Variants in BCAT1 observed in about 807,000 individuals in gnomAD.
The protein encoded by BCAT1 is branched-chain-amino-acid aminotransferase, cytosolic.
BCAT1 carries 48 observed loss-of-function variants against 52.4 expected under a neutral mutation model. The ratio of observed to expected loss-of-function variants is 0.92; its 90% CI spans 0.73 to 1.16. The LOEUF (loss-of-function observed/expected upper bound fraction) is 1.16, where lower values mean the gene tolerates loss of function less well. Among genes scored for constraint, BCAT1 ranks in the 50% most tolerant of loss-of-function variants. The probability of loss-of-function intolerance (pLI) is 0.00; values close to 1 mark genes in which losing one functional copy is unlikely to be tolerated. For synonymous variants in BCAT1, 167 were observed against 161.3 expected (o/e 1.04, Z -0.27); for missense variants, 451 against 457.1 (o/e 0.99, Z 0.12).
intron 5 of BCAT1, among the ~76,000 whole-genome samples, chr12:24,863,367 G>A (rs746756514): frequency 1.2e-4 from 19 of 152,142 alleles, no homozygotes; most frequent in Non-Finnish European, 1.0e-4. Context: ...AACAGAAATG[G>A]TAAATACATT....
chr12:24,895,786 T>C (rs1045842825), intron 2 of BCAT1, among the ~76,000 whole-genome samples: 1 of 152,216 alleles, frequency 6.6e-6, no homozygotes, highest in African/African-American at 2.4e-5. Context: ...GCCTTGCAGC[T>C]ACGTGAGTCA....
rs538418585 is a variant in BCAT1, at chr12:24,883,827, G to A, written c.280-2416C>T. Reference sequence around the variant, plus strand: ...TAAAAAGTGCACCACCTAGATTCCTGCAATGCACAGTTCACAATAGGGTTC... The same window carrying A: ...TAAAAAGTGCACCACCTAGATTCCTACAATGCACAGTTCACAATAGGGTTC... On this transcript the variant is annotated intron_variant, in intron 3 of 10. Transcript: ENST00000261192. Among the ~76,000 whole-genome samples the A allele has an allele frequency of 3.9e-5, 6 of 152,204 alleles. No homozygotes were observed. In the East Asian group the frequency reaches 1.2e-3, roughly 29 times the overall value.
chr12:24,856,278 C>T (rs1941679635), intron 5 of BCAT1, among the ~76,000 whole-genome samples: 2 of 152,170 alleles, frequency 1.3e-5, no homozygotes, highest in South Asian at 4.1e-4. Flanking sequence ...CACGCTCAAA[C>T]CATACTGAAC....
rs749915074 is a variant in BCAT1 at position 24,829,852 on chromosome 12, G to A, written c.1090C>T (p.Arg364Cys). 2.3e-5 allele frequency: 37 copies of A among 1,611,630 alleles called. No individual in the cohort carries two copies. In the East Asian group the frequency reaches 4.9e-4, roughly 21 times the overall value. Residue 364 changes from arginine (R) to cysteine (C), a missense_variant, in exon 10 of 11, where the codon CGC becomes TGC. Transcript: ENST00000261192. Reference protein sequence around the residue: ...TMENGPKLASRILSKLTDIQY... With the variant: ...TMENGPKLASCILSKLTDIQY... ...ATATCAGTTAATTTGCTCAAGATGC[G>A]GCTTGCCAGCTTAGGACCATTCTCC...
intron 2 of BCAT1, among the ~76,000 whole-genome samples, chr12:24,896,009 A>G (rs1942952058): frequency 6.6e-6 from 1 of 151,970 alleles, no homozygotes; most frequent in Admixed American, 6.6e-5. Flanking sequence ...TTGTTCTACC[A>G]TTATTATTAT....
chr12:24,901,906 C>T (rs1295470489), intron 1 of BCAT1, 21 bp from the exon 2 acceptor site: 1 of 1,613,924 alleles, frequency 6.2e-7, no homozygotes, highest in Non-Finnish European at 8.5e-7. Flanking sequence ...AATTAAACCA[C>T]CATTAAGTAA....
Position 24,811,734 on chromosome 12 carries a change from G to T in BCAT1, c.*6274C>A, listed in dbSNP as rs778267079. On this transcript the variant is annotated 3_prime_UTR_variant, in exon 11 of 11. Coordinates refer to ENST00000261192, the MANE Select transcript of BCAT1 (RefSeq NM_005504.7). Reference sequence around the variant, plus strand: ...CTTTCTACTCAATTTTTCTTAAAAAGAATTTCAAGAATCACTACACAGCTA... The same window carrying T: ...CTTTCTACTCAATTTTTCTTAAAAATAATTTCAAGAATCACTACACAGCTA... The T allele has an allele frequency of 3.3e-5, 5 of 152,196 alleles. No individual in the cohort carries two copies. The highest frequency in any genetic ancestry group is 1.2e-4 in the African/African-American group (5 of 41,576). 9.4% of individuals were successfully genotyped at this position (152,196 alleles called of 1,614,324 possible). A position where few individuals can be genotyped will look rare whatever the true frequency, so the allele number is the denominator to read the frequency against.
At chr12:24,894,559 G>A (rs1168353513) in intron 2 of BCAT1, 84 bp from the exon 3 acceptor site, 5 of 1,130,742 alleles carry the variant, frequency 4.4e-6, no homozygotes, top group Non-Finnish European at 4.9e-6. Flanking sequence ...AAAAAAAAAG[G>A]AAATCAATTG....
chr12:24,908,457 C>T (rs948541928), intron 1 of BCAT1, among the ~76,000 whole-genome samples: 3 of 152,142 alleles, frequency 2.0e-5, no homozygotes, highest in African/African-American at 7.2e-5. Flanking sequence ...AATAGCTGGG[C>T]CGGGCATGGT....
chr12:24,892,854 A>AAAAT (rs57901198), intron 3 of BCAT1, among the ~76,000 whole-genome samples: 27,967 of 151,770 alleles, frequency 0.18, 3,072 homozygotes, highest in African/African-American at 0.31. Context: ...ATCTGTCTGA[A>AAAAT]AAATAAATAA....
At chr12:24,836,928 A>AAG (rs1940977040) in intron 7 of BCAT1, among the ~76,000 whole-genome samples, 1 of 110,316 alleles carries the variant, frequency 9.1e-6, no homozygotes, top group African/African-American at 3.2e-5. Context: ...GAAAGAAAGA[A>AAG]AGAAAGAAAG....
At chr12:24,823,703 C>T (rs1940249233) in intron 10 of BCAT1, among the ~76,000 whole-genome samples, 1 of 152,136 alleles carries the variant, frequency 6.6e-6, no homozygotes, top group Admixed American at 6.6e-5. Flanking sequence ...CCCTCTCCTC[C>T]TCCTGTTCCC....
intron 1 of BCAT1, among the ~76,000 whole-genome samples, chr12:24,912,473 T>C (rs1013266633): frequency 9.9e-5 from 15 of 152,180 alleles, no homozygotes; most frequent in East Asian, 1.9e-4. Flanking sequence ...TGAGCCAAGA[T>C]TGCGCCACTG....
intron 6 of BCAT1, among the ~76,000 whole-genome samples, chr12:24,844,894 CA>C (rs11318750): frequency 0.45 from 15,876 of 35,372 alleles, 1,637 homozygotes; most frequent in East Asian, 0.53. Flanking sequence ...GAGACTGTCT[CA>C]AAAAAAAAAA....
At position 24,878,549 on chromosome 12, in the gene BCAT1, G is replaced by A. The variant is rs1216581001; in HGVS notation, c.491C>T (p.Pro164Leu). ...TTGCACCTCAGTTCCAATGAATGTAGGACGAATATACAGACTAGCAGATGT... is the reference window on the plus strand; with the variant it reads ...TTGCACCTCAGTTCCAATGAATGTAAGACGAATATACAGACTAGCAGATGT... Reference protein sequence around the residue: ...YSTSASLYIRPTFIGTEPSLG... With the variant: ...YSTSASLYIRLTFIGTEPSLG... The change falls in exon 5 of 11, where the codon CCT becomes CTT. Residue 164 changes from proline to leucine, a missense_variant. Transcript: ENST00000261192. The A allele has an allele frequency of 6.2e-7, 1 of 1,610,808 alleles. No individual in the cohort carries two copies. The highest frequency in any genetic ancestry group is 8.5e-7 in the Non-Finnish European group (1 of 1,178,640).
In BCAT1 at chr12:24,894,265, A is replaced by C. The variant is rs1374768198; in HGVS notation, c.279+10T>G. The C allele has an allele frequency of 1.2e-6, 2 of 1,612,352 alleles. No individual in the cohort carries two copies. The highest frequency in any genetic ancestry group is 2.2e-5 in the East Asian group (1 of 44,880). On this transcript the variant is annotated intron_variant, in intron 3 of 10. Coordinates refer to ENST00000261192, the MANE Select transcript of BCAT1 (RefSeq NM_005504.7). ...AAGCATGTCACTCTCTTTAATTCCC[A>C]TGTACTTACTTCCACTGCATAGTGC...
intron 1 of BCAT1, among the ~76,000 whole-genome samples, chr12:24,922,193 G>A (rs540720682): frequency 2.3e-4 from 35 of 152,192 alleles, no homozygotes; most frequent in African/African-American, 8.4e-4. Flanking sequence ...TCATTACATT[G>A]TCCAGGCTGG....
intron 6 of BCAT1, among the ~76,000 whole-genome samples, chr12:24,849,104 G>A (rs1941425585): frequency 6.6e-6 from 1 of 152,212 alleles, no homozygotes; most frequent in Non-Finnish European, 1.5e-5. Context: ...TACATGCAAA[G>A]CAAGAACCCA....
At chr12:24,850,352 C>T (rs776315519) in intron 5 of BCAT1, among the ~76,000 whole-genome samples, 1 of 152,182 alleles carries the variant, frequency 6.6e-6, no homozygotes. Flanking sequence ...ATTTACTTCT[C>T]TAACTCATCC....
Sources: gnomAD v4.1 joint callset for allele counts (sites outside exome capture counted in the v4.1 genomes callset) on GRCh38, gnomAD v4.1.1 for gene constraint, MANE v1.5 for transcripts, NCBI Gene and HGNC (gene_info 2026-07-23, HGNC 2026-07-21) for gene names.